Variants in TMEM182 observed in about 807,000 individuals in gnomAD.
TMEM182 encodes transmembrane protein 182.
In TMEM182, 20 loss-of-function variants were observed where a neutral mutation model predicts 26.8. The observed-to-expected ratio is 0.75, with a 90% CI of 0.53 to 1.09. The LOEUF (loss-of-function observed/expected upper bound fraction) is 1.09. Ranked by LOEUF, TMEM182 falls within the 50% of genes least tolerant of loss-of-function variation. The pLI is 0.00. For synonymous variants in TMEM182, 109 were observed against 102.2 expected, an observed-to-expected ratio of 1.07 and a Z score of -0.40; for missense variants, 277 against 275.5, an observed-to-expected ratio of 1.01 and a Z score of -0.04.
At chr2:102,793,007 C>T (rs561197574) in intron 3 of TMEM182, among the ~76,000 whole-genome samples, 6 of 150,754 alleles carry the variant, frequency 4.0e-5, no homozygotes, top group African/African-American at 7.5e-5. Context: ...GCTGCCTTGA[C>T]GCTCCTGCTG....
At chr2:102,819,185 G>A (rs1024062927), downstream of TMEM182, among the ~76,000 whole-genome samples, 2 of 151,996 alleles carry the variant, frequency 1.3e-5, no homozygotes, top group African/African-American at 4.8e-5. Context: ...TAATTCTAAA[G>A]AGAGACTGCC....
At chr2:102,831,663 A>G (rs1683153184) in intron 3 of TMEM182, among the ~76,000 whole-genome samples, 1 of 152,194 alleles carries the variant, frequency 6.6e-6, no homozygotes, top group Non-Finnish European at 1.5e-5. Context: ...AGGCTGAGGC[A>G]CGAGAATTGC....
At chr2:102,800,744 G>A (rs1296481891) in intron 4 of TMEM182, among the ~76,000 whole-genome samples, 1 of 149,246 alleles carries the variant, frequency 6.7e-6, no homozygotes, top group Non-Finnish European at 1.5e-5. Context: ...CAGCATGATC[G>A]TTTTAAACTC....
intron 1 of TMEM182, among the ~76,000 whole-genome samples, chr2:102,752,050 C>T (rs968958794): frequency 2.0e-5 from 3 of 152,180 alleles, no homozygotes; most frequent in Admixed American, 2.0e-4. Context: ...CTTATAGGTT[C>T]TGTCTCCAAA....
chr2:102,766,243 CATG>C (rs1257034551), intron 3 of TMEM182, among the ~76,000 whole-genome samples: 11 of 152,112 alleles, frequency 7.2e-5, no homozygotes, highest in South Asian at 6.2e-4. Flanking sequence ...ATAATCTGTG[CATG>C]ATAATTATGA....
At chr2:102,749,678 A>T (rs552336583) in intron 1 of TMEM182, among the ~76,000 whole-genome samples, 2 of 152,308 alleles carry the variant, frequency 1.3e-5, no homozygotes, top group South Asian at 4.1e-4. Flanking sequence ...ATAATTATGT[A>T]CAAAAGAGCA....
rs11445295 is a variant in TMEM182, at chr2:102,784,356, C to CTT, written c.332-13497_332-13496dup. Among the ~76,000 whole-genome samples, 178 of 147,598 alleles carry CTT rather than the reference C, an allele frequency of 1.2e-3. 1 individual carries two copies. The highest frequency in any genetic ancestry group is 3.8e-3 in the African/African-American group (154 of 40,350). On this transcript the variant is annotated intron_variant, in intron 3 of 4. Transcript: ENST00000412401. ...GAAAAGAAAGTATGTGTTTTTCTACCTTTTTTTTTTTGGTCTATTTTTCTT... is the reference window on the plus strand; with the variant it reads ...GAAAAGAAAGTATGTGTTTTTCTACCTTTTTTTTTTTTTGGTCTATTTTTCTT...
At chr2:102,767,100 T>C (rs1680484038) in intron 3 of TMEM182, among the ~76,000 whole-genome samples, 1 of 152,202 alleles carries the variant, frequency 6.6e-6, no homozygotes, top group African/African-American at 2.4e-5. Context: ...AAAAGGCTAA[T>C]TGTAGTGCAT....
chr2:102,806,891 C>G (rs1280168171), intron 4 of TMEM182, among the ~76,000 whole-genome samples: 1 of 152,162 alleles, frequency 6.6e-6, no homozygotes, highest in Non-Finnish European at 1.5e-5. Context: ...AGGATTTGAA[C>G]CAGGGCAGTC....
chr2:102,755,569 C>A (rs1405660681), intron 1 of TMEM182, among the ~76,000 whole-genome samples: 1 of 152,102 alleles, frequency 6.6e-6, no homozygotes, highest in Non-Finnish European at 1.5e-5. Flanking sequence ...TTGGAGCAGG[C>A]AAGTGATATA....
chr2:102,784,297 A>G (rs925212339), intron 3 of TMEM182, among the ~76,000 whole-genome samples: 1 of 152,170 alleles, frequency 6.6e-6, no homozygotes, highest in African/African-American at 2.4e-5. Flanking sequence ...ACTTAAGAAA[A>G]AAGCATCAGG....
At chr2:102,809,520 C>CT (rs1296022316) in intron 4 of TMEM182, among the ~76,000 whole-genome samples, 11 of 152,174 alleles carry the variant, frequency 7.2e-5, no homozygotes, top group African/African-American at 2.7e-4. Flanking sequence ...GAAAAGTAAC[C>CT]TAGTCCCCCA....
Position 102,797,865 on chromosome 2 carries a change from T to C in TMEM182, c.334T>C (p.Tyr112His). ...TCTTTTCCTCCTGGGGTCTCCAGTT[T>C]ACCGTGGTTTCTGGGCAGTCCTGAT... ...NSTSYDSAVI[Y>H]RGFWAVLMLL... Residue 112 changes from tyrosine to histidine, a missense_variant and splice_region_variant, in exon 4 of 5, where the codon TAC becomes CAC. Physicochemically the swap from Tyr to His is moderately conservative, Grantham distance 83 (BLOSUM62 2). Coordinates refer to ENST00000412401, the MANE Select transcript of TMEM182 (RefSeq NM_144632.5). 6.2e-7 allele frequency: 1 copy of C among 1,609,004 alleles called. No individual in the cohort carries two copies. The highest frequency in any genetic ancestry group is 8.5e-7 in the Non-Finnish European group (1 of 1,178,790).
chr2:102,769,452 C>T (rs530163060), intron 3 of TMEM182, among the ~76,000 whole-genome samples: 2 of 152,286 alleles, frequency 1.3e-5, no homozygotes, highest in South Asian at 2.1e-4. Context: ...AATGTGGACA[C>T]ATACCTTCAA....
At chr2:102,812,667 GT>G (rs1558786548) in intron 4 of TMEM182, among the ~76,000 whole-genome samples, 1 of 152,082 alleles carries the variant, frequency 6.6e-6, no homozygotes, top group Non-Finnish European at 1.5e-5. Context: ...TCAGTGATGG[GT>G]TTTTCAATTT....
chr2:102,818,752 A>G (rs1682835484), downstream of TMEM182, among the ~76,000 whole-genome samples: 1 of 140,598 alleles, frequency 7.1e-6, no homozygotes, highest in East Asian at 2.1e-4. Flanking sequence ...AATCCTATCT[A>G]TCTATCTATC....
downstream of TMEM182, among the ~76,000 whole-genome samples, chr2:102,818,763 T>TATCTATCTATC (rs1428124696): frequency 5.5e-4 from 81 of 148,250 alleles, no homozygotes; most frequent in African/African-American, 1.9e-3. Context: ...TCTATCTATC[T>TATCTATCTATC]ATCTATCTAT....
At chr2:102,826,393 G>A (rs1320913006) in intron 3 of TMEM182, among the ~76,000 whole-genome samples, 1 of 151,178 alleles carries the variant, frequency 6.6e-6, no homozygotes, top group Admixed American at 6.6e-5. Context: ...GGTCCCTGGA[G>A]AGTGAGAGAT....
chr2:102,755,576 T>TA (rs1301540202), intron 1 of TMEM182, among the ~76,000 whole-genome samples: 2 of 152,226 alleles, frequency 1.3e-5, no homozygotes, highest in Non-Finnish European at 2.9e-5. Context: ...AGGCAAGTGA[T>TA]ATATGCTTGA....
Sources: allele counts gnomAD v4.1 joint callset (sites outside exome capture counted in the v4.1 genomes callset), GRCh38; gene constraint gnomAD v4.1.1; transcripts MANE v1.5; gene names NCBI Gene and HGNC (gene_info 2026-07-23, HGNC 2026-07-21).